Variants in CHSY3 observed in about 807,000 individuals in gnomAD.
CHSY3 encodes the protein chondroitin sulfate synthase 3, also known as N-acetylgalactosaminyl-proteoglycan 3-beta-glucuronosyltransferase 3.
Under a neutral mutation model 67.2 loss-of-function variants are expected in CHSY3, and 35 were observed. That is an observed-to-expected ratio of 0.52 (90% CI 0.40 to 0.69). The LOEUF is 0.69. CHSY3 is among the 30% of genes least tolerant of loss of function. CHSY3 has a pLI of 0.00. For missense variants in CHSY3, 1,069 were observed against 1,138.5 expected (o/e 0.94, Z 0.88); for synonymous variants, 474 against 434.7 (o/e 1.09, Z -1.12).
intron 2 of CHSY3, among the ~76,000 whole-genome samples, chr5:130,125,632 C>T (rs374038582): frequency 1.0e-3 from 154 of 152,188 alleles, no homozygotes; most frequent in African/African-American, 3.4e-3. Flanking sequence ...ATAAGAATAA[C>T]GGAGTCAAAA....
At chr5:129,998,534 G>T (rs1355503403) in intron 2 of CHSY3, among the ~76,000 whole-genome samples, 2 of 152,220 alleles carry the variant, frequency 1.3e-5, no homozygotes, top group South Asian at 2.1e-4. Context: ...TTTATGCTTT[G>T]TAAGTGAAAA....
intron 2 of CHSY3, chr5:130,140,460 G>A: frequency 8.9e-7 from 1 of 1,120,762 alleles, no homozygotes; most frequent in Non-Finnish European, 1.2e-6. Flanking sequence ...TGGTCACAGT[G>A]CCAGCTTACT....
intron 2 of CHSY3, among the ~76,000 whole-genome samples, chr5:129,936,774 A>G (rs1761507017): frequency 6.6e-6 from 1 of 152,226 alleles, no homozygotes; most frequent in African/African-American, 2.4e-5. Flanking sequence ...ATTAAAACAT[A>G]TATGGTATAC....
At chr5:130,143,816 A>ATGTG (rs1561557384) in intron 2 of CHSY3, among the ~76,000 whole-genome samples, 1 of 100,342 alleles carries the variant, frequency 1.0e-5, no homozygotes, top group Non-Finnish European at 2.1e-5. Context: ...GTGTGTATAT[A>ATGTG]TATATATATA....
At chr5:130,163,163 T>TA (rs969110806) in intron 2 of CHSY3, among the ~76,000 whole-genome samples, 7 of 152,114 alleles carry the variant, frequency 4.6e-5, no homozygotes, top group Non-Finnish European at 8.8e-5. Flanking sequence ...TTATCATTCT[T>TA]AAAAAAAGTT....
chr5:130,117,006 A>C (rs989590103), intron 2 of CHSY3, among the ~76,000 whole-genome samples: 1 of 152,160 alleles, frequency 6.6e-6, no homozygotes, highest in African/African-American at 2.4e-5. Context: ...TGAGACTGGA[A>C]TGCAGAGCAT....
chr5:130,020,355 G>C (rs2149652844), intron 2 of CHSY3, among the ~76,000 whole-genome samples: 2 of 150,170 alleles, frequency 1.3e-5, no homozygotes, highest in South Asian at 4.2e-4. Context: ...GGGGGGCAGA[G>C]GTTGTAGTGA....
chr5:129,905,971 G>C, intron 1 of CHSY3: 2 of 312,376 alleles, frequency 6.4e-6, no homozygotes, highest in South Asian at 7.7e-5. Flanking sequence ...TTCCCACTCT[G>C]CCCTCCTCTG....
chr5:129,982,880 C>T (rs1437292326), intron 2 of CHSY3, among the ~76,000 whole-genome samples: 1 of 152,024 alleles, frequency 6.6e-6, no homozygotes, highest in Non-Finnish European at 1.5e-5. Context: ...AGCAAAGCAG[C>T]TTTAAGAGTT....
intron 2 of CHSY3, among the ~76,000 whole-genome samples, chr5:130,153,300 GA>G (rs1177168166): frequency 2.5e-4 from 36 of 146,590 alleles, no homozygotes; most frequent in African/African-American, 4.7e-4. Context: ...CCATTCTTGA[GA>G]AAAAAAAAAC....
rs115998677 is a variant in CHSY3 at position 129,918,720 on chromosome 5, A to C, written c.1086+10360A>C. Among the ~76,000 whole-genome samples the C allele has an allele frequency of 9.9e-3, 1,508 of 152,222 alleles. 24 individuals carry two copies. The highest frequency in any genetic ancestry group is 0.034 in the African/African-American group (1,424 of 41,530). ...GTACAGGTGGGAGATGTGAGGCCCA[A>C]AAGCTGTAGTTAGAATCCAATTGTG... On this transcript the variant is annotated intron_variant, in intron 2 of 2. Coordinates refer to ENST00000305031, the MANE Select transcript of CHSY3 (RefSeq NM_175856.5).
At chr5:129,947,402 TCACTTGGGCCC>T (rs1761889265) in intron 2 of CHSY3, among the ~76,000 whole-genome samples, 3 of 152,048 alleles carry the variant, frequency 2.0e-5, no homozygotes, top group Admixed American at 1.3e-4. Flanking sequence ...GGTGGGTGAT[TCACTTGGGCCC>T]AGGAGTTCAA....
intron 2 of CHSY3, among the ~76,000 whole-genome samples, chr5:130,060,969 C>T (rs1310852722): frequency 3.3e-5 from 5 of 152,020 alleles, no homozygotes; most frequent in Admixed American, 2.0e-4. Context: ...GAATCAATAT[C>T]GTCAAAATGA....
intron 2 of CHSY3, among the ~76,000 whole-genome samples, chr5:130,117,965 C>T (rs1042718814): frequency 2.0e-5 from 3 of 152,128 alleles, no homozygotes; most frequent in Admixed American, 1.3e-4. Context: ...TGGCTTAGCA[C>T]CATCCCTTCG....
At chr5:130,064,817 G>A (rs763101843) in intron 2 of CHSY3, among the ~76,000 whole-genome samples, 8 of 152,134 alleles carry the variant, frequency 5.3e-5, no homozygotes, top group South Asian at 4.1e-4. Context: ...CCAAATAATC[G>A]TGCTGCGCAT....
chr5:130,002,532 T>C (rs1763757145), intron 2 of CHSY3, among the ~76,000 whole-genome samples: 1 of 152,156 alleles, frequency 6.6e-6, no homozygotes, highest in African/African-American at 2.4e-5. Context: ...CCATCCTGGC[T>C]AGCTTATTGT....
In CHSY3 at chr5:130,089,642, C is replaced by T. The variant is rs1232635762; in HGVS notation, c.1087-94587C>T. The stretch of plus-strand genomic sequence containing the variant: ...ATTGCTGTTAGAGGACTAGGCATTG[C>T]CTGAGAAACATGATACATGAAACAT... On this transcript the variant is annotated intron_variant, in intron 2 of 2. Transcript: ENST00000305031. Among the ~76,000 whole-genome samples the T allele has an allele frequency of 1.3e-4, 20 of 152,042 alleles. 1 individual carries two copies. The highest frequency in any genetic ancestry group is 1.2e-3 in the Admixed American group (18 of 15,236).
intron 2 of CHSY3, among the ~76,000 whole-genome samples, chr5:130,150,872 G>A (rs554197467): frequency 6.6e-6 from 1 of 152,196 alleles, no homozygotes; most frequent in Admixed American, 6.5e-5. Context: ...GTAACTTTAT[G>A]ATTTCACAAA....
chr5:129,943,000 A>G (rs919129242), intron 2 of CHSY3, among the ~76,000 whole-genome samples: 3 of 152,150 alleles, frequency 2.0e-5, no homozygotes, highest in African/African-American at 4.8e-5. Context: ...CAAAAGTTAT[A>G]TATTTTTTTA....
Sources: gnomAD v4.1 joint callset for allele counts (sites outside exome capture counted in the v4.1 genomes callset) on GRCh38, gnomAD v4.1.1 for gene constraint, MANE v1.5 for transcripts, NCBI Gene and HGNC (gene_info 2026-07-23, HGNC 2026-07-21) for gene names.